DSCAML1: variants seen among roughly 807,000 people sequenced by gnomAD.
DSCAML1 encodes cell adhesion molecule DSCAML1.
In DSCAML1, 38 loss-of-function variants were observed where a neutral mutation model predicts 200.5. That is an observed-to-expected ratio of 0.19 (90% CI 0.15 to 0.25). The LOEUF (loss-of-function observed/expected upper bound fraction) is 0.25. Among genes scored for constraint, DSCAML1 ranks in the 10% least tolerant of loss-of-function variants. DSCAML1 has a pLI of 1.00. For missense variants in DSCAML1, 2,223 were observed against 2,858.8 expected (o/e 0.78, Z 5.07); for synonymous variants, 1,215 against 1,165.0 (o/e 1.04, Z -0.87).
chr11:117,810,862 A>C (rs1216689858), intron 1 of DSCAML1, among the ~76,000 whole-genome samples: 1 of 151,690 alleles, frequency 6.6e-6, no homozygotes, highest in African/African-American at 2.4e-5. Flanking sequence ...ACTCGTCCCA[A>C]ATCTTCCTTC....
chr11:117,529,537 T>A (rs2050036322), intron 4 of DSCAML1, among the ~76,000 whole-genome samples: 1 of 152,214 alleles, frequency 6.6e-6, no homozygotes, highest in African/African-American at 2.4e-5. Context: ...AAGTTTGGCC[T>A]AATTCATAAC....
chr11:117,494,934 CTGCCAATACCTTGA>C (rs1348855638), intron 11 of DSCAML1, among the ~76,000 whole-genome samples: 1 of 152,192 alleles, frequency 6.6e-6, no homozygotes, highest in Non-Finnish European at 1.5e-5. Flanking sequence ...GCACATGGGC[CTGCCAATACCTTGA>C]TGTCAGACTC....
chr11:117,439,732 A>G, intron 22 of DSCAML1, 87 bp downstream of exon 22: 2 of 1,284,864 alleles, frequency 1.6e-6, no homozygotes, highest in Non-Finnish European at 2.2e-6. Flanking sequence ...GTCACCAGGC[A>G]GGAGGGCCCC....
chr11:117,542,669 G>A (rs930035949), intron 3 of DSCAML1, among the ~76,000 whole-genome samples: 1 of 152,268 alleles, frequency 6.6e-6, no homozygotes, highest in Non-Finnish European at 1.5e-5. Flanking sequence ...GCATGAATCA[G>A]TGGGCACCCA....
At chr11:117,591,217 A>G (rs1399836607) in intron 3 of DSCAML1, among the ~76,000 whole-genome samples, 1 of 152,134 alleles carries the variant, frequency 6.6e-6, no homozygotes, top group Non-Finnish European at 1.5e-5. Context: ...GAGGGGGGTA[A>G]TATGGGGTCT....
chr11:117,482,261 C>T, intron 11 of DSCAML1, 99 bp from the exon 12 acceptor site: 1 of 1,387,360 alleles, frequency 7.2e-7, no homozygotes, highest in Non-Finnish European at 9.9e-7. Flanking sequence ...AGCCCTCCTC[C>T]CCCAGGAGAG....
At position 117,524,791 on chromosome 11, in the gene DSCAML1, C is replaced by A. The variant is rs1221308805; in HGVS notation, c.937+14G>T. ...GAGGTTACTGGGGCTGCAGAAGGGG[C>A]TTCCCCGACTCACCAATGACCATGA... On this transcript the variant is annotated intron_variant, in intron 5 of 32. Coordinates refer to ENST00000651296, the MANE Select transcript of DSCAML1 (RefSeq NM_020693.4). The A allele has an allele frequency of 1.9e-6, 3 of 1,564,698 alleles. No individual in the cohort carries two copies. Among genetic ancestry groups the A allele is most frequent in the East Asian group, 2.4e-5 (1 of 42,194 alleles).
chr11:117,755,483 G>T (rs142509996), intron 3 of DSCAML1, among the ~76,000 whole-genome samples: 1 of 152,086 alleles, frequency 6.6e-6, no homozygotes, highest in African/African-American at 2.4e-5. Flanking sequence ...ACCCAGCCAA[G>T]AATCCATCCC....
rs374671165 is a variant in DSCAML1, at chr11:117,469,243, G to A, written c.3024+667C>T. On this transcript the variant is annotated intron_variant, in intron 16 of 32. Transcript: ENST00000651296. The surrounding 1 kb of genome is among the most constrained non-coding windows in gnomAD (Gnocchi z 4.1). ...AAAGAGAAAGCACTTGGAGACTGGA[G>A]GATGCAGTGAGACAGGAAGCCCCTG... is the stretch of plus-strand genomic sequence containing the variant. Among the ~76,000 whole-genome samples, 12 of 152,306 alleles carry A rather than the reference G, an allele frequency of 7.9e-5. No homozygotes were observed. The East Asian group carries it at 2.1e-3, about 27-fold the overall frequency.
In DSCAML1 at chr11:117,730,196, T is replaced by TA. The variant is rs1428492415; in HGVS notation, c.511+46594dup. 6.3e-4 allele frequency among the ~76,000 whole-genome samples: 95 copies of TA among 150,742 alleles called. No individual in the cohort carries two copies. In the East Asian group the frequency reaches 7.6e-3, roughly 12 times the overall value. On this transcript the variant is annotated intron_variant, in intron 3 of 32. Transcript: ENST00000651296. ...CCTGGCGACAGAGTGAGATTCCATC[T>TA]AAAAAAAAAGAGGGAGGCAGTGGAA... is the stretch of plus-strand genomic sequence containing the variant.
intron 3 of DSCAML1, among the ~76,000 whole-genome samples, chr11:117,620,869 T>C (rs948835983): frequency 6.6e-6 from 1 of 152,174 alleles, no homozygotes; most frequent in African/African-American, 2.4e-5. Context: ...GCAAAATGGG[T>C]ACAATAATAA....
At chr11:117,475,318 C>T (rs2048769102) in intron 14 of DSCAML1, among the ~76,000 whole-genome samples, 1 of 152,194 alleles carries the variant, frequency 6.6e-6, no homozygotes, top group Admixed American at 6.5e-5. Flanking sequence ...TCTGATACTG[C>T]CATTCCTAAC....
At chr11:117,810,370 C>T (rs555198576) in intron 1 of DSCAML1, among the ~76,000 whole-genome samples, 8 of 150,148 alleles carry the variant, frequency 5.3e-5, no homozygotes, top group African/African-American at 1.5e-4. Context: ...CCCTTATTTC[C>T]GCACCCCGAC....
At chr11:117,655,061 G>C (rs971698661) in intron 3 of DSCAML1, among the ~76,000 whole-genome samples, 8 of 152,238 alleles carry the variant, frequency 5.3e-5, no homozygotes, top group African/African-American at 1.9e-4. Context: ...AACCCTAAGT[G>C]CACAGCCCAA....
At chr11:117,745,887 G>A (rs1235791669) in intron 3 of DSCAML1, among the ~76,000 whole-genome samples, 1 of 152,180 alleles carries the variant, frequency 6.6e-6, no homozygotes, top group African/African-American at 2.4e-5. Flanking sequence ...TGAGGATTAA[G>A]TGAATTAATT....
intron 3 of DSCAML1, among the ~76,000 whole-genome samples, chr11:117,566,277 CTG>C (rs966053441): frequency 1.3e-5 from 2 of 152,046 alleles, no homozygotes; most frequent in African/African-American, 4.8e-5. Flanking sequence ...AAGCTCAGGT[CTG>C]TTGATTTCAA....
intron 3 of DSCAML1, among the ~76,000 whole-genome samples, chr11:117,588,064 A>G (rs754476755): frequency 5.3e-5 from 8 of 152,162 alleles, no homozygotes; most frequent in Non-Finnish European, 1.2e-4. Flanking sequence ...TACCATTCTA[A>G]GCATGTTGGT....
Position 117,780,197 on chromosome 11 carries a change from A to AAGAGAGAG in DSCAML1, c.364+295_364+296insCTCTCTCT, listed in dbSNP as rs1175883330. Among the ~76,000 whole-genome samples, 3,317 of 64,590 alleles carry AAGAGAGAG rather than the reference A, an allele frequency of 0.051. 195 individuals are homozygous for AAGAGAGAG. Among genetic ancestry groups the AAGAGAGAG allele is most frequent in the Middle Eastern group, 0.1 (10 of 98 alleles). 42.4% of individuals were successfully genotyped at this position (64,590 alleles called of 152,430 possible). ...AAAAAAAGAAAAAAAGAAAGAAAGA[A>AAGAGAGAG]AGAGAAAGAAAGAGAGAGAGAGAAA... On this transcript the variant is annotated intron_variant, in intron 2 of 32. Transcript: ENST00000651296. This position sits in a 1 kb window ranked among gnomAD's most constrained non-coding sequence, Gnocchi z 4.8.
At chr11:117,549,921 A>G (rs2050439915) in intron 3 of DSCAML1, among the ~76,000 whole-genome samples, 1 of 152,146 alleles carries the variant, frequency 6.6e-6, no homozygotes, top group South Asian at 2.1e-4. Context: ...TCCCATCAAC[A>G]TTTGTGTTGT....
Sources: gnomAD v4.1 joint callset for allele counts (sites outside exome capture counted in the v4.1 genomes callset) on GRCh38, gnomAD v4.1.1 for gene constraint, Gnocchi (gnomAD v3.1) non-coding constraint, MANE v1.5 for transcripts, NCBI Gene and HGNC (gene_info 2026-07-23, HGNC 2026-07-21) for gene names.